BCAR3: variants seen among roughly 807,000 people sequenced by gnomAD.
BCAR3 encodes the protein breast cancer anti-estrogen resistance protein 3.
A neutral mutation model predicts 80.1 loss-of-function variants in BCAR3; 37 were observed. The observed-to-expected ratio is 0.46, with a 90% confidence interval of 0.36 to 0.61. The LOEUF (loss-of-function observed/expected upper bound fraction) is 0.61. Among genes scored for constraint, BCAR3 ranks in the 20% least tolerant of loss-of-function variants. The pLI is 0.00. For synonymous variants in BCAR3, 389 were observed against 418.9 expected, an observed-to-expected ratio of 0.93 and a Z score of 0.87; for missense variants, 978 against 1,068.2, an observed-to-expected ratio of 0.92 and a Z score of 1.18.
At chr1:93,837,447 G>A (rs1342712371) in intron 2 of BCAR3, among the ~76,000 whole-genome samples, 1 of 152,048 alleles carries the variant, frequency 6.6e-6, no homozygotes, top group African/African-American at 2.4e-5. Context: ...AAACTTCAAT[G>A]AGCTTCTACC....
At chr1:93,726,363 G>A (rs962878251) in intron 2 of BCAR3, among the ~76,000 whole-genome samples, 4 of 152,078 alleles carry the variant, frequency 2.6e-5, no homozygotes, top group African/African-American at 4.8e-5. Context: ...ATGAGCCACC[G>A]TGCCTGGCCT....
intron 2 of BCAR3, among the ~76,000 whole-genome samples, chr1:93,789,343 T>C (rs1260148314): frequency 6.6e-6 from 1 of 152,208 alleles, no homozygotes; most frequent in South Asian, 2.1e-4. Context: ...GAATCTAACA[T>C]GTAAAGACCT....
chr1:93,779,112 T>C (rs1267619571), intron 2 of BCAR3, among the ~76,000 whole-genome samples: 1 of 152,206 alleles, frequency 6.6e-6, no homozygotes, highest in Non-Finnish European at 1.5e-5. Flanking sequence ...GAGTTTATTG[T>C]CTAAAACTTT....
Position 93,785,330 on chromosome 1 carries a change from G to A in BCAR3, c.-63+60237C>T, listed in dbSNP as rs116498076. Among the ~76,000 whole-genome samples, 391 of 152,310 alleles carry A rather than the reference G, an allele frequency of 2.6e-3. 1 individual carries two copies. The highest frequency in any genetic ancestry group is 8.9e-3 in the African/African-American group (368 of 41,566). On this transcript the variant is annotated intron_variant, in intron 2 of 13. Transcript: ENST00000370244. ...TCAGACATAAAATGTAATGAGTTAA[G>A]TGGTAACAGGGAGTGGTGGGGACTG...
At chr1:93,562,757 A>G (rs2101790459) in intron 11 of BCAR3, among the ~76,000 whole-genome samples, 1 of 127,364 alleles carries the variant, frequency 7.9e-6, no homozygotes, top group East Asian at 2.3e-4. Flanking sequence ...GTGACAAGCG[A>G]GACTCCATCT....
chr1:93,710,731 G>T (rs1235650020), intron 2 of BCAR3, among the ~76,000 whole-genome samples: 1 of 152,132 alleles, frequency 6.6e-6, no homozygotes, highest in East Asian at 1.9e-4. Context: ...CCCTCCCCCT[G>T]CTTTATCTAG....
chr1:93,705,792 T>G (rs1478467058), intron 3 of BCAR3, among the ~76,000 whole-genome samples: 1 of 152,210 alleles, frequency 6.6e-6, no homozygotes, highest in Non-Finnish European at 1.5e-5. Flanking sequence ...GAATTAAATG[T>G]CAGACAGAAC....
At chr1:93,565,026 G>A (rs768751809) in intron 11 of BCAR3, among the ~76,000 whole-genome samples, 24 of 151,890 alleles carry the variant, frequency 1.6e-4, no homozygotes, top group Non-Finnish European at 2.5e-4. Flanking sequence ...TTGTAGAAAG[G>A]ACAACAGGAA....
intron 2 of BCAR3, among the ~76,000 whole-genome samples, chr1:93,760,352 T>A (rs1214747915): frequency 6.6e-6 from 1 of 152,048 alleles, no homozygotes; most frequent in African/African-American, 2.4e-5. Flanking sequence ...ATCCAGCTTA[T>A]AAGGCGATAA....
At chr1:93,697,913 G>A (rs1649476932) in intron 3 of BCAR3, among the ~76,000 whole-genome samples, 1 of 152,218 alleles carries the variant, frequency 6.6e-6, no homozygotes, top group East Asian at 1.9e-4. Flanking sequence ...AGGAGGCAGA[G>A]GTTGTCGTGA....
chr1:93,715,522 T>C (rs1650164775), intron 2 of BCAR3, among the ~76,000 whole-genome samples: 2 of 152,188 alleles, frequency 1.3e-5, no homozygotes, highest in African/African-American at 4.8e-5. Context: ...TGAACATGCC[T>C]GGTTCTAAGC....
intron 2 of BCAR3, among the ~76,000 whole-genome samples, chr1:93,737,914 C>T (rs1220143736): frequency 6.6e-6 from 1 of 152,132 alleles, no homozygotes; most frequent in Non-Finnish European, 1.5e-5. Flanking sequence ...CTCACTGTAA[C>T]CTTGAAATCC....
chr1:93,678,981 T>C (rs1648626549), intron 1 of BCAR3, among the ~76,000 whole-genome samples: 1 of 152,218 alleles, frequency 6.6e-6, no homozygotes, highest in Admixed American at 6.5e-5. Flanking sequence ...CATTATATAC[T>C]TCTTATGTAC....
intron 3 of BCAR3, among the ~76,000 whole-genome samples, chr1:93,702,612 C>A (rs1420563176): frequency 2.0e-5 from 3 of 152,216 alleles, no homozygotes; most frequent in Non-Finnish European, 4.4e-5. Context: ...CTGCTCCAGT[C>A]ACAGAGCTCT....
At chr1:93,629,678 C>A (rs984007456) in intron 3 of BCAR3, among the ~76,000 whole-genome samples, 5 of 152,180 alleles carry the variant, frequency 3.3e-5, no homozygotes, top group African/African-American at 1.2e-4. Context: ...AGCTTAACAG[C>A]AAATGATTCT....
At chr1:93,749,758 C>G (rs1409969344) in intron 2 of BCAR3, among the ~76,000 whole-genome samples, 1 of 152,086 alleles carries the variant, frequency 6.6e-6, no homozygotes, top group East Asian at 1.9e-4. Context: ...AATTTCCACT[C>G]ACCAAATCAG....
chr1:93,683,332 G>A (rs2101958318), upstream of BCAR3, among the ~76,000 whole-genome samples: 1 of 152,020 alleles, frequency 6.6e-6, no homozygotes, highest in African/African-American at 2.4e-5. Flanking sequence ...TAAAATTAAA[G>A]GGCCTGACCA....
At chr1:93,564,195 G>A (rs982077251) in intron 11 of BCAR3, among the ~76,000 whole-genome samples, 2 of 151,142 alleles carry the variant, frequency 1.3e-5, no homozygotes, top group African/African-American at 4.9e-5. Flanking sequence ...AGAGTTCTTT[G>A]TATAGCCTAG....
At position 93,788,164 on chromosome 1, in the gene BCAR3, G is replaced by T. The variant is rs546399017; in HGVS notation, c.-63+57403C>A. 2.6e-5 allele frequency among the ~76,000 whole-genome samples: 4 copies of T among 152,046 alleles called. No homozygotes were observed. In the East Asian group the frequency reaches 7.7e-4, roughly 29 times the overall value. On this transcript the variant is annotated intron_variant, in intron 2 of 13. Transcript: ENST00000370244. Reference sequence around the variant, plus strand: ...TTGCTTGCTCTTGGTTTCTATTTCTGTGGAATGTCTTTTTCCACCTCTTTA... The same window carrying T: ...TTGCTTGCTCTTGGTTTCTATTTCTTTGGAATGTCTTTTTCCACCTCTTTA...
Sources: gnomAD v4.1 joint callset for allele counts (sites outside exome capture counted in the v4.1 genomes callset) on GRCh38, gnomAD v4.1.1 for gene constraint, MANE v1.5 for transcripts, NCBI Gene and HGNC (gene_info 2026-07-23, HGNC 2026-07-21) for gene names.